The following IQGAP2 variants were observed in gnomAD, a reference collection of about 807,000 sequenced individuals.
IQGAP2 encodes IQ motif containing GTPase activating protein 2.
A neutral mutation model predicts 201.3 loss-of-function variants in IQGAP2; 173 were observed. The observed-to-expected ratio is 0.86, with a 90% CI of 0.76 to 0.98. The LOEUF (loss-of-function observed/expected upper bound fraction) is 0.98. Among genes scored for constraint, IQGAP2 ranks in the 50% least tolerant of loss-of-function variants. IQGAP2 has a pLI of 0.00. For synonymous variants in IQGAP2, 675 were observed against 673.9 expected (o/e 1.00, Z -0.03); for missense variants, 1,687 against 1,864.8 (o/e 0.90, Z 1.76).
At chr5:76,569,529 T>C (rs1222856076) in intron 3 of IQGAP2, among the ~76,000 whole-genome samples, 2 of 152,210 alleles carry the variant, frequency 1.3e-5, no homozygotes, top group Non-Finnish European at 2.9e-5. Context: ...CAATCACGAA[T>C]AGTGGCCACC....
chr5:76,687,234 T>C (rs1745859389), intron 30 of IQGAP2, among the ~76,000 whole-genome samples: 1 of 152,252 alleles, frequency 6.6e-6, no homozygotes, highest in African/African-American at 2.4e-5. Flanking sequence ...GAGATCTTAC[T>C]GTTGGCCGAC....
chr5:76,470,039 C>T (rs574623268), intron 2 of IQGAP2, among the ~76,000 whole-genome samples: 1 of 152,272 alleles, frequency 6.6e-6, no homozygotes, highest in East Asian at 1.9e-4. Flanking sequence ...TCACAGTTCA[C>T]GTGGGGCACA....
chr5:76,654,168 G>A (rs769113636), intron 18 of IQGAP2, 32 bp from the exon 19 acceptor site: 1 of 1,464,092 alleles, frequency 6.8e-7, no homozygotes, highest in South Asian at 1.2e-5. Flanking sequence ...TTTATTTTTT[G>A]TTGTACTTTT....
chr5:76,487,004 G>A (rs1049142967), intron 2 of IQGAP2, among the ~76,000 whole-genome samples: 4 of 151,078 alleles, frequency 2.6e-5, no homozygotes, highest in African/African-American at 9.7e-5. Flanking sequence ...GCCAAACACT[G>A]TTTTAAGCAC....
intron 9 of IQGAP2, 60 bp downstream of exon 9, chr5:76,592,985 C>A: frequency 8.7e-7 from 1 of 1,145,574 alleles, no homozygotes; most frequent in Non-Finnish European, 1.3e-6. Context: ...CTTTCCTTGC[C>A]AGAATCCCAA....
Position 76,438,978 on chromosome 5 carries a change from T to C in IQGAP2, c.47-22592T>C, listed in dbSNP as rs147264065. Among the ~76,000 whole-genome samples the C allele has an allele frequency of 6.1e-5, 8 of 130,696 alleles. No homozygotes were observed. In the East Asian group the frequency reaches 1.6e-3, roughly 26 times the overall value. The allele number at this position is 130,696 out of a possible 152,430, so 85.7% of individuals were successfully genotyped here. On this transcript the variant is annotated intron_variant, in intron 1 of 35. Coordinates refer to ENST00000274364, the MANE Select transcript of IQGAP2 (RefSeq NM_006633.5). ...GTTTCTGTAGTTCCTTGAGGTGTTATGTTGTCAATTTGTGATCTTTCCGAT... is the reference window on the plus strand; with the variant it reads ...GTTTCTGTAGTTCCTTGAGGTGTTACGTTGTCAATTTGTGATCTTTCCGAT...
At chr5:76,622,449 C>G (rs1023634327) in intron 13 of IQGAP2, among the ~76,000 whole-genome samples, 1 of 152,182 alleles carries the variant, frequency 6.6e-6, no homozygotes, top group Non-Finnish European at 1.5e-5. Flanking sequence ...TATGTCCAGT[C>G]TTTGCCTCTC....
In IQGAP2 at chr5:76,600,923, A is replaced by G. The variant is rs1435602849; in HGVS notation, c.1183A>G (p.Arg395Gly). Residue 395 changes from arginine (R) to glycine (G), a missense_variant, in exon 11 of 36, where the codon AGA (arginine) becomes GGA (glycine). Physicochemically the swap from Arg to Gly is moderately radical, Grantham distance 125. Transcript: ENST00000274364. ...TCTTGTGTCTGTGCAGAATCAACTC[A>G]GAAGCCCCGCAATAGGCTTAAACAA... is the stretch of plus-strand genomic sequence containing the variant. ...NDLVSVQNQL[R>G]SPAIGLNNLD... The G allele has an allele frequency of 6.2e-7, 1 of 1,614,172 alleles. No homozygotes were observed. The highest frequency in any genetic ancestry group is 2.2e-5 in the East Asian group (1 of 44,882).
At chr5:76,456,845 C>T (rs946069285) in intron 1 of IQGAP2, among the ~76,000 whole-genome samples, 1 of 152,068 alleles carries the variant, frequency 6.6e-6, no homozygotes, top group African/African-American at 2.4e-5. Flanking sequence ...CTTTGGGAGG[C>T]GTAAACTGGA....
chr5:76,575,818 A>G, intron 5 of IQGAP2, 49 bp downstream of exon 5: 1 of 1,073,234 alleles, frequency 9.3e-7, no homozygotes, highest in East Asian at 2.6e-5. Flanking sequence ...AGATTTAAAT[A>G]AAACTAAAAT....
At chr5:76,588,747 C>A (rs1423958939) in intron 5 of IQGAP2, among the ~76,000 whole-genome samples, 159 bp from the exon 6 acceptor site, 1 of 152,184 alleles carries the variant, frequency 6.6e-6, no homozygotes, top group Non-Finnish European at 1.5e-5. Context: ...TCACCAAGTA[C>A]TCTGTTACCC....
chr5:76,496,740 T>TCTTTCTTTCTTTCTTTC (rs1200584575), intron 2 of IQGAP2, among the ~76,000 whole-genome samples: 2 of 47,424 alleles, frequency 4.2e-5, no homozygotes, highest in African/African-American at 2.3e-4. Flanking sequence ...TTTCTTTCTT[T>TCTTTCTTTCTTTCTTTC]CTTTCTTTCT....
Position 76,658,666 on chromosome 5 carries a change from A to G in IQGAP2, c.2528A>G (p.Glu843Gly). 1 of 1,613,466 alleles carries G rather than the reference A, an allele frequency of 6.2e-7. No homozygotes were observed. Among genetic ancestry groups the G allele is most frequent in the Middle Eastern group, 1.7e-4 (1 of 6,052 alleles). The stretch of plus-strand genomic sequence containing the variant: ...CTGGTGAAGAACAGGATCACACTAG[A>G]GGTCAGTGGGGTTTTTGGGACTGTC... ...GLLVKNRITLEDVISHSKKLN... is the reference protein window; with the variant it reads ...GLLVKNRITLGDVISHSKKLN... The change falls in exon 21 of 36, where the codon GAG becomes GGG. Residue 843 changes from glutamate (E) to glycine (G), a missense_variant and splice_region_variant. Coordinates refer to ENST00000274364, the MANE Select transcript of IQGAP2 (RefSeq NM_006633.5).
At chr5:76,492,634 CAGA>C (rs1756624095) in intron 2 of IQGAP2, among the ~76,000 whole-genome samples, 1 of 152,164 alleles carries the variant, frequency 6.6e-6, no homozygotes, top group Non-Finnish European at 1.5e-5. Context: ...TCCTGACGTA[CAGA>C]AGAGTGTGTG....
chr5:76,640,494 G>C (rs1264276327), intron 16 of IQGAP2, among the ~76,000 whole-genome samples: 1 of 152,168 alleles, frequency 6.6e-6, no homozygotes, highest in Admixed American at 6.6e-5. Context: ...ACAGGGGTCT[G>C]CCTACTCTGG....
chr5:76,516,043 T>C (rs1439191446), intron 2 of IQGAP2, among the ~76,000 whole-genome samples: 1 of 151,804 alleles, frequency 6.6e-6, no homozygotes, highest in Non-Finnish European at 1.5e-5. Flanking sequence ...GCCTGGATAA[T>C]GTTTGTGTTT....
intron 19 of IQGAP2, among the ~76,000 whole-genome samples, chr5:76,654,660 G>A (rs1214720890): frequency 6.6e-6 from 1 of 152,230 alleles, no homozygotes; most frequent in Non-Finnish European, 1.5e-5. Context: ...AACATAGATT[G>A]GATCATCTAA....
intron 2 of IQGAP2, among the ~76,000 whole-genome samples, chr5:76,479,940 T>C (rs936170002): frequency 3.3e-5 from 5 of 152,152 alleles, no homozygotes; most frequent in Non-Finnish European, 7.3e-5. Context: ...AGTATTATTT[T>C]CTTACTCCTG....
At position 76,496,716 on chromosome 5, in the gene IQGAP2, CTTTCTTTCT is replaced by C. The variant is rs1303135198; in HGVS notation, c.146+35059_146+35067del. 7.7e-3 allele frequency among the ~76,000 whole-genome samples: 139 copies of C among 18,078 alleles called. 7 individuals carry two copies. The highest frequency in any genetic ancestry group is 0.021 in the Middle Eastern group (1 of 48). 11.9% of individuals were successfully genotyped at this position (18,078 alleles called of 152,430 possible). Reference sequence around the variant, plus strand: ...TTTCTTTCTGTCTCTTTCTTTCTTTCTTTCTTTCTTTTCTTTCTTTCTTTCTTTCTTTCT... The same window carrying C: ...TTTCTTTCTGTCTCTTTCTTTCTTTCTTTCTTTCTTTCTTTCTTTCTTTCT... On this transcript the variant is annotated intron_variant, in intron 2 of 35. Coordinates refer to ENST00000274364, the MANE Select transcript of IQGAP2 (RefSeq NM_006633.5).
Sources: gnomAD v4.1 joint callset for allele counts (sites outside exome capture counted in the v4.1 genomes callset) on GRCh38, gnomAD v4.1.1 for gene constraint, MANE v1.5 for transcripts, NCBI Gene and HGNC (gene_info 2026-07-23, HGNC 2026-07-21) for gene names.